Variants in DST observed in about 807,000 individuals in gnomAD.
DST encodes the protein dystonin, also known as bullous pemphigoid antigen.
A neutral mutation model predicts 875.2 loss-of-function variants in DST; 253 were observed. The observed-to-expected ratio is 0.29, with a 90% CI of 0.26 to 0.32. DST has a LOEUF of 0.32. Among genes scored for constraint, DST ranks in the 10% least tolerant of loss-of-function variants. DST has a pLI of 1.00. For missense variants in DST, 8,287 were observed against 9,111.6 expected, an observed-to-expected ratio of 0.91 and a Z score of 3.68; for synonymous variants, 3,124 against 3,197.1, an observed-to-expected ratio of 0.98 and a Z score of 0.77.
intron 3 of DST, among the ~76,000 whole-genome samples, chr6:56,891,565 CAAAAAAA>C (rs531964301): frequency 1.6e-5 from 1 of 62,678 alleles, no homozygotes; most frequent in Non-Finnish European, 3.1e-5. Flanking sequence ...GACTCCGTCT[CAAAAAAA>C]AAAAAAAAAA....
chr6:56,483,831 G>GTGATTATT (rs1460150042), intron 88 of DST: 1 of 152,068 alleles, frequency 6.6e-6, no homozygotes, highest in Non-Finnish European at 1.5e-5. Context: ...TATCACAAAA[G>GTGATTATT]TGATTATTTG....
chr6:56,702,018 T>C, intron 7 of DST, 53 bp from the exon 8 acceptor site: 3 of 1,045,840 alleles, frequency 2.9e-6, no homozygotes, highest in Non-Finnish European at 1.5e-6. Flanking sequence ...TCACAGACCA[T>C]GCTAATTTAA....
chr6:56,619,290 G>A, intron 36 of DST: 1 of 1,612,286 alleles, frequency 6.2e-7, no homozygotes, highest in Non-Finnish European at 8.5e-7. Flanking sequence ...TCATTATTCT[G>A]CCTAGTAAGC....
At chr6:56,858,588 C>G (rs1769259663) in intron 3 of DST, among the ~76,000 whole-genome samples, 1 of 152,120 alleles carries the variant, frequency 6.6e-6, no homozygotes, top group Non-Finnish European at 1.5e-5. Flanking sequence ...CATTCAACTG[C>G]TAATGAACAC....
intron 4 of DST, among the ~76,000 whole-genome samples, chr6:56,838,636 ACT>A (rs1006348336): frequency 2.2e-4 from 34 of 152,318 alleles, no homozygotes; most frequent in Non-Finnish European, 1.5e-5. Context: ...TGTTGAGATA[ACT>A]CTCTAAGAAC....
At chr6:56,631,532 T>C in intron 29 of DST, 143 bp from the exon 30 acceptor site, 1 of 719,694 alleles carries the variant, frequency 1.4e-6, no homozygotes, top group Non-Finnish European at 2.3e-6. Context: ...TCAAAGAAAC[T>C]ACATCATAGC....
At chr6:56,509,189 C>G (rs1442768545) in intron 74 of DST, among the ~76,000 whole-genome samples, 2 of 152,122 alleles carry the variant, frequency 1.3e-5, no homozygotes, top group African/African-American at 4.8e-5. Flanking sequence ...TTGTGAATTT[C>G]CACTACGCAC....
chr6:56,674,738 A>G (rs1289802084), intron 9 of DST, among the ~76,000 whole-genome samples: 1 of 152,248 alleles, frequency 6.6e-6, no homozygotes, highest in African/African-American at 2.4e-5. Flanking sequence ...TTTATACTGA[A>G]AACACTGATG....
chr6:56,618,434 A>T, intron 36 of DST: 1 of 1,614,076 alleles, frequency 6.2e-7, no homozygotes, highest in East Asian at 2.2e-5. Context: ...CTTTTTTTGA[A>T]TTTCACACTG....
intron 4 of DST, among the ~76,000 whole-genome samples, chr6:56,818,045 G>A (rs756377748): frequency 1.3e-5 from 2 of 152,122 alleles, no homozygotes; most frequent in African/African-American, 2.4e-5. Flanking sequence ...AATGAAGCCC[G>A]TCTCTAGAAA....
chr6:56,559,107 A>G (rs1303026840), intron 58 of DST, among the ~76,000 whole-genome samples: 3 of 152,174 alleles, frequency 2.0e-5, no homozygotes, highest in Non-Finnish European at 1.5e-5. Context: ...ATAGAACACA[A>G]TCACTGAAAC....
chr6:56,647,874 T>C (rs1057411821), intron 13 of DST, among the ~76,000 whole-genome samples: 1 of 151,912 alleles, frequency 6.6e-6, no homozygotes, highest in African/African-American at 2.4e-5. Flanking sequence ...TTAATAGAGA[T>C]GGGGTTTCAC....
intron 5 of DST, among the ~76,000 whole-genome samples, chr6:56,723,011 A>C (rs1423504756): frequency 6.6e-6 from 1 of 152,258 alleles, no homozygotes; most frequent in Non-Finnish European, 1.5e-5. Flanking sequence ...AAATCTTATC[A>C]CATGAGAATA....
At chr6:56,559,040 G>A (rs1043468598) in intron 58 of DST, among the ~76,000 whole-genome samples, 1 of 152,074 alleles carries the variant, frequency 6.6e-6, no homozygotes, top group Non-Finnish European at 1.5e-5. Context: ...TTGATGGTGT[G>A]ATCACTTGAC....
At chr6:56,774,667 C>T (rs1022989069) in intron 4 of DST, among the ~76,000 whole-genome samples, 15 of 152,068 alleles carry the variant, frequency 9.9e-5, no homozygotes, top group Admixed American at 5.9e-4. Context: ...GAAGTCATCA[C>T]CTACTAAATT....
At chr6:56,856,113 G>A (rs1390985400) in intron 3 of DST, among the ~76,000 whole-genome samples, 2 of 152,130 alleles carry the variant, frequency 1.3e-5, no homozygotes, top group South Asian at 2.1e-4. Flanking sequence ...CCATTCATTC[G>A]CATGGTATAA....
At chr6:56,631,823 G>A (rs2098783526) in intron 29 of DST, 60 bp downstream of exon 29, 2 of 1,505,334 alleles carry the variant, frequency 1.3e-6, no homozygotes, top group African/African-American at 1.4e-5. Flanking sequence ...AGTCACAAGA[G>A]TTGATACATA....
chr6:56,607,818 A>G lies in DST; in HGVS notation c.6810T>C (p.Asp2270=). The G allele has an allele frequency of 1.9e-6, 3 of 1,613,514 alleles. No individual in the cohort carries two copies. Among genetic ancestry groups the G allele is most frequent in the East Asian group, 2.2e-5 (1 of 44,876 alleles). ...FLNNASGREK[D]ECTATPSSFN... is the part of the protein sequence containing the mutation. ...AACTACTTGGTGTAGCTGTACATTC[A>G]TCCTTTTCTCTACCTGAAGCATTAT... The change falls in exon 40 of 104, where the codon GAT becomes GAC. Residue 2270 remains aspartate (D), a synonymous_variant. Coordinates refer to ENST00000680361, the MANE Select transcript of DST (RefSeq NM_001374736.1).
intron 28 of DST, 75 bp from the exon 29 acceptor site, chr6:56,632,115 G>T (rs952970043): frequency 2.6e-5 from 30 of 1,161,386 alleles, no homozygotes; most frequent in East Asian, 9.8e-5. Context: ...TTTAATATGA[G>T]AATTTTATAT....
Sources: allele counts gnomAD v4.1 joint callset (sites outside exome capture counted in the v4.1 genomes callset), GRCh38; gene constraint gnomAD v4.1.1; transcripts MANE v1.5; gene names NCBI Gene and HGNC (gene_info 2026-07-23, HGNC 2026-07-21).